The following ZNRF3 variants were observed in gnomAD, a reference collection of about 807,000 sequenced individuals.
ZNRF3 encodes zinc and ring finger 3.
Under a neutral mutation model 72.5 loss-of-function variants are expected in ZNRF3, and 23 were observed. The ratio of observed to expected loss-of-function variants is 0.32; its 90% CI spans 0.23 to 0.45. ZNRF3 has a LOEUF of 0.45. Among genes scored for constraint, ZNRF3 ranks in the 20% least tolerant of loss-of-function variants. The pLI is 1.00. For synonymous variants in ZNRF3, 610 were observed against 545.3 expected (o/e 1.12, Z -1.65); for missense variants, 1,169 against 1,272.1 (o/e 0.92, Z 1.23).
At chr22:28,928,444 C>T (rs964532260) in intron 1 of ZNRF3, among the ~76,000 whole-genome samples, 11 of 151,584 alleles carry the variant, frequency 7.3e-5, no homozygotes, top group African/African-American at 1.2e-4. Context: ...ATTGTCACAC[C>T]GAAGAACTTG....
At chr22:29,007,172 G>A (rs572016959) in intron 2 of ZNRF3, among the ~76,000 whole-genome samples, 49 of 152,266 alleles carry the variant, frequency 3.2e-4, no homozygotes, top group African/African-American at 1.2e-3. Flanking sequence ...GAGGTGGGTG[G>A]GAGCAAAGGC....
chr22:28,962,148 C>T (rs57290501), intron 1 of ZNRF3, among the ~76,000 whole-genome samples: 6,955 of 152,240 alleles, frequency 0.046, 400 homozygotes, highest in African/African-American at 0.13. Flanking sequence ...ATTCAGTTCT[C>T]GGTTTGCATT....
chr22:28,975,553 A>G (rs1422286729), intron 1 of ZNRF3, among the ~76,000 whole-genome samples: 3 of 150,864 alleles, frequency 2.0e-5, no homozygotes, highest in East Asian at 3.9e-4. Flanking sequence ...CCTGGCCAAC[A>G]TGATGAAACC....
At chr22:28,997,571 A>G (rs1451949184) in intron 2 of ZNRF3, among the ~76,000 whole-genome samples, 1 of 152,028 alleles carries the variant, frequency 6.6e-6, no homozygotes, top group East Asian at 1.9e-4. Context: ...CCATCTGAGG[A>G]GTGTGAAGAG....
chr22:28,898,104 G>A (rs755818068), intron 1 of ZNRF3, among the ~76,000 whole-genome samples: 2 of 152,102 alleles, frequency 1.3e-5, no homozygotes, highest in Admixed American at 1.3e-4. Context: ...ACACCACCAC[G>A]CCTGGCTAAT....
At chr22:29,009,716 G>A (rs898857645) in intron 2 of ZNRF3, among the ~76,000 whole-genome samples, 1 of 152,074 alleles carries the variant, frequency 6.6e-6, no homozygotes, top group African/African-American at 2.4e-5. Context: ...AAAATGAACA[G>A]CCTTCTCATT....
chr22:28,984,537 CA>C (rs1447797223), intron 1 of ZNRF3, among the ~76,000 whole-genome samples: 1 of 152,172 alleles, frequency 6.6e-6, no homozygotes, highest in East Asian at 1.9e-4. Context: ...TATAAGTAAC[CA>C]AAAGCAGCCA....
At chr22:28,982,433 CAAAAAAAAAAAA>C (rs61589852) in intron 1 of ZNRF3, among the ~76,000 whole-genome samples, 2 of 76,480 alleles carry the variant, frequency 2.6e-5, no homozygotes, top group African/African-American at 6.7e-5. Context: ...CCTGTCTCTA[CAAAAAAAAAAAA>C]AAAAAAAAAA....
chr22:28,898,058 T>C (rs1370338255), intron 1 of ZNRF3, among the ~76,000 whole-genome samples: 1 of 152,170 alleles, frequency 6.6e-6, no homozygotes, highest in Non-Finnish European at 1.5e-5. Flanking sequence ...TCCTCCCACC[T>C]GAGCCTCCTG....
rs1177538904 is a variant in ZNRF3 at position 29,048,373 on chromosome 22, C to T, written c.913-16C>T. ...GAGGCTGAAGGCAGACTTGTGTCCC[C>T]TCTCTCCCTGCCCAGGAGCTGCGGG... On this transcript the variant is annotated splice_polypyrimidine_tract_variant and intron_variant, in intron 6 of 8. Coordinates refer to ENST00000544604, the MANE Select transcript of ZNRF3 (RefSeq NM_001206998.2). The surrounding 1 kb of genome is among the most constrained non-coding windows in gnomAD (Gnocchi z 4.9). The T allele has an allele frequency of 1.9e-6, 3 of 1,611,106 alleles. No homozygotes were observed. The South Asian group carries it at 3.3e-5, about 18-fold the overall frequency.
At chr22:28,901,235 A>G (rs2034096832) in intron 1 of ZNRF3, among the ~76,000 whole-genome samples, 1 of 152,080 alleles carries the variant, frequency 6.6e-6, no homozygotes, top group Non-Finnish European at 1.5e-5. Flanking sequence ...CCTGAATTCT[A>G]TTTTCTGCTC....
chr22:28,889,183 C>T (rs1448598810), intron 1 of ZNRF3, among the ~76,000 whole-genome samples: 3 of 152,070 alleles, frequency 2.0e-5, no homozygotes, highest in Non-Finnish European at 4.4e-5. Flanking sequence ...CAGAACTTGG[C>T]TGGTTAGGAT....
chr22:28,999,548 G>A (rs2036108111), intron 2 of ZNRF3, among the ~76,000 whole-genome samples: 1 of 152,168 alleles, frequency 6.6e-6, no homozygotes, highest in Admixed American at 6.5e-5. Context: ...CCAGTATCGG[G>A]TCAGTTGGCC....
At chr22:29,016,020 AAAAAAAAAAC>A (rs1470385396) in intron 2 of ZNRF3, among the ~76,000 whole-genome samples, 22 of 143,064 alleles carry the variant, frequency 1.5e-4, no homozygotes, top group Non-Finnish European at 6.1e-5. Context: ...GTCTCAAAAA[AAAAAAAAAAC>A]AAAAAAACTG....
In ZNRF3 at chr22:28,883,858, T is replaced by TGCCGCC. The variant is rs958418836; in HGVS notation, c.104_109dup (p.Pro35_Pro36dup). 3.0e-6 allele frequency: 3 copies of TGCCGCC among 993,218 alleles called. No homozygotes were observed. Among genetic ancestry groups the TGCCGCC allele is most frequent in the African/African-American group, 1.8e-5 (1 of 55,904 alleles). The allele number at this position is 993,218 out of a possible 1,614,324, so 61.5% of individuals were successfully genotyped here. ...CCCCGCGGCCTCCGGTGCAGCCGCC[T>TGCCGCC]GCCGCCGCCGCCGCCGCTGCCGCTG... On this transcript the variant is annotated inframe_insertion, in exon 1 of 9. Transcript: ENST00000544604. The surrounding 1 kb of genome is among the most constrained non-coding windows in gnomAD (Gnocchi z 5.5).
At chr22:28,979,063 C>CTT (rs2123820500) in intron 1 of ZNRF3, among the ~76,000 whole-genome samples, 1 of 152,208 alleles carries the variant, frequency 6.6e-6, no homozygotes, top group South Asian at 2.1e-4. Context: ...ATAAAACTCT[C>CTT]CTCAGTACCA....
chr22:28,938,279 T>G (rs1381044163), intron 1 of ZNRF3, among the ~76,000 whole-genome samples: 4 of 152,022 alleles, frequency 2.6e-5, no homozygotes, highest in African/African-American at 9.7e-5. Context: ...TATACCTAGA[T>G]CTGCACCATT....
At chr22:28,981,728 G>A (rs2035767509) in intron 1 of ZNRF3, among the ~76,000 whole-genome samples, 2 of 152,314 alleles carry the variant, frequency 1.3e-5, no homozygotes, top group South Asian at 4.1e-4. Flanking sequence ...CGGGTGCGAT[G>A]GCTCATGCCT....
At chr22:28,908,449 G>T (rs1017611236) in intron 1 of ZNRF3, among the ~76,000 whole-genome samples, 3 of 152,164 alleles carry the variant, frequency 2.0e-5, no homozygotes, top group Admixed American at 2.0e-4. Flanking sequence ...TTTTGGTGGG[G>T]ATATGCGAGA....
Sources: allele counts gnomAD v4.1 joint callset (sites outside exome capture counted in the v4.1 genomes callset), GRCh38; gene constraint gnomAD v4.1.1; non-coding constraint Gnocchi (gnomAD v3.1); transcripts MANE v1.5; gene names NCBI Gene and HGNC (gene_info 2026-07-23, HGNC 2026-07-21).